Variants in TAF4B observed in about 807,000 individuals in gnomAD.
TAF4B encodes transcription initiation factor TFIID subunit 4B.
Under a neutral mutation model 86.4 loss-of-function variants are expected in TAF4B, and 38 were observed. That is an observed-to-expected ratio of 0.44 (90% CI 0.34 to 0.58). The LOEUF (loss-of-function observed/expected upper bound fraction) is 0.58, where lower values mean the gene tolerates loss of function less well. Ranked by LOEUF, TAF4B falls within the 20% of genes least tolerant of loss-of-function variation. The probability of loss-of-function intolerance (pLI) is 0.02; values close to 1 mark genes in which losing one functional copy is unlikely to be tolerated. For missense variants in TAF4B, 988 were observed against 1,027.6 expected (o/e 0.96, Z 0.53); for synonymous variants, 388 against 391.2 (o/e 0.99, Z 0.10).
chr18:26,358,449 G>C (rs1050195711), intron 14 of TAF4B, among the ~76,000 whole-genome samples: 2 of 152,134 alleles, frequency 1.3e-5, no homozygotes, highest in African/African-American at 4.8e-5. Flanking sequence ...GGTGGCTCAC[G>C]CCTGTAATCC....
chr18:26,305,445 T>C (rs1039406312), intron 9 of TAF4B, among the ~76,000 whole-genome samples: 1 of 152,272 alleles, frequency 6.6e-6, no homozygotes, highest in African/African-American at 2.4e-5. Context: ...TTTCACTCTG[T>C]TGCCCAGGCT....
At chr18:26,337,408 TTTTCTTTC>T (rs887164492) in intron 13 of TAF4B, among the ~76,000 whole-genome samples, 1 of 148,900 alleles carries the variant, frequency 6.7e-6, no homozygotes, top group African/African-American at 2.4e-5. Flanking sequence ...ATCTTTTTTC[TTTTCTTTC>T]TTTCTTTCTT....
rs2057296335 is a variant in TAF4B, at chr18:26,357,444, C to CCTTTCTT, written c.2317-241_2317-235dup. On this transcript the variant is annotated intron_variant, in intron 13 of 14. Transcript: ENST00000269142. Reference sequence around the variant, plus strand: ...ACTGGGAGAAATTAAGCTTTAGATGCCTTTCTTCTTTTCTGTACTTCTCCT... The same window carrying CCTTTCTT: ...ACTGGGAGAAATTAAGCTTTAGATGCCTTTCTTCTTTCTTCTTTTCTGTACTTCTCCT... Among the ~76,000 whole-genome samples the CCTTTCTT allele has an allele frequency of 5.9e-5, 9 of 152,264 alleles. No homozygotes were observed. The South Asian group carries it at 1.7e-3, about 28-fold the overall frequency.
At chr18:26,371,658 T>C (rs556970839) in intron 14 of TAF4B, among the ~76,000 whole-genome samples, 1 of 152,152 alleles carries the variant, frequency 6.6e-6, no homozygotes, top group Non-Finnish European at 1.5e-5. Flanking sequence ...AGAACGGAAA[T>C]AGATGGGCAA....
chr18:26,334,940 G>A lies in TAF4B; in HGVS notation c.2260-235G>A, dbSNP rs140798565. Among the ~76,000 whole-genome samples, 454 of 152,076 alleles carry A rather than the reference G, an allele frequency of 3.0e-3. 1 individual carries two copies. Among genetic ancestry groups the A allele is most frequent in the African/African-American group, 0.01 (429 of 41,484 alleles). Reference sequence around the variant, plus strand: ...GCCTCAACTGGACCTGACTGACATCGTTAGCATCATTTTCAGTATAAGCTT... The same window carrying A: ...GCCTCAACTGGACCTGACTGACATCATTAGCATCATTTTCAGTATAAGCTT... On this transcript the variant is annotated intron_variant, in intron 12 of 14. Transcript: ENST00000269142.
chr18:26,228,312 C>G (rs1206647536), intron 1 of TAF4B, among the ~76,000 whole-genome samples: 1 of 152,128 alleles, frequency 6.6e-6, no homozygotes, highest in Non-Finnish European at 1.5e-5. Context: ...GATTCTATAT[C>G]CCCTAATAAA....
At chr18:26,281,384 A>G (rs1243669506) in intron 5 of TAF4B, among the ~76,000 whole-genome samples, 2 of 152,234 alleles carry the variant, frequency 1.3e-5, no homozygotes, top group Admixed American at 1.3e-4. Context: ...TTTATTAAGT[A>G]TATAATATGT....
At chr18:26,244,523 C>T (rs1055143919) in intron 1 of TAF4B, among the ~76,000 whole-genome samples, 2 of 152,180 alleles carry the variant, frequency 1.3e-5, no homozygotes, top group Non-Finnish European at 2.9e-5. Flanking sequence ...CCTTGTGCTT[C>T]CTGGGTGAGG....
chr18:26,255,989 C>T, intron 1 of TAF4B: 3 of 1,315,416 alleles, frequency 2.3e-6, no homozygotes, highest in Non-Finnish European at 3.3e-6. Context: ...GGAGGTGGTA[C>T]TGTGAGCATC....
intron 9 of TAF4B, among the ~76,000 whole-genome samples, chr18:26,295,751 A>G (rs933544066): frequency 1.3e-5 from 2 of 152,048 alleles, no homozygotes; most frequent in Non-Finnish European, 2.9e-5. Flanking sequence ...CACTTTTTGT[A>G]TTACCTTTTT....
chr18:26,280,829 A>G (rs1371581577), intron 5 of TAF4B, among the ~76,000 whole-genome samples: 1 of 152,206 alleles, frequency 6.6e-6, no homozygotes. Flanking sequence ...AAATCATTCT[A>G]TAAAAAAGAC....
intron 14 of TAF4B, among the ~76,000 whole-genome samples, chr18:26,382,332 T>G (rs1240254831): frequency 6.6e-6 from 1 of 152,174 alleles, no homozygotes; most frequent in Non-Finnish European, 1.5e-5. Flanking sequence ...TGACATGAGG[T>G]TGTCAGCTTG....
Position 26,391,555 on chromosome 18 carries a change from G to T in TAF4B, c.*1543G>T, listed in dbSNP as rs571383571. On this transcript the variant is annotated 3_prime_UTR_variant, in exon 15 of 15. Transcript: ENST00000269142. ...TAAGAAGAGATCTTTATCCAAAGTT[G>T]TTTTTGTATATTTAAATGCTTACCT... 6.6e-6 allele frequency: 1 copy of T among 152,134 alleles called. No individual in the cohort carries two copies. Among genetic ancestry groups the T allele is most frequent in the Admixed American group, 6.5e-5 (1 of 15,294 alleles). 9.4% of individuals were successfully genotyped at this position (152,134 alleles called of 1,614,324 possible). A position where few individuals can be genotyped will look rare whatever the true frequency, so the allele number is the denominator to read the frequency against.
intron 7 of TAF4B, 102 bp from the exon 8 acceptor site, chr18:26,292,144 A>G: frequency 7.4e-7 from 1 of 1,350,396 alleles, no homozygotes; most frequent in Non-Finnish European, 9.9e-7. Context: ...ATAAAGGTAT[A>G]TTTATGGCTG....
intron 14 of TAF4B, among the ~76,000 whole-genome samples, chr18:26,380,619 T>C (rs2057471643): frequency 6.6e-6 from 1 of 152,170 alleles, no homozygotes; most frequent in Non-Finnish European, 1.5e-5. Flanking sequence ...TGTCTTGAAG[T>C]CTGCTTTGTT....
intron 1 of TAF4B, among the ~76,000 whole-genome samples, chr18:26,257,809 T>C (rs1341904098): frequency 6.6e-6 from 1 of 151,584 alleles, no homozygotes; most frequent in East Asian, 1.9e-4. Flanking sequence ...GCCCTTTCTT[T>C]CATATAGTTC....
chr18:26,327,742 TTTG>T (rs1376020677), intron 12 of TAF4B, among the ~76,000 whole-genome samples: 2 of 152,044 alleles, frequency 1.3e-5, no homozygotes, highest in African/African-American at 2.4e-5. Context: ...GCTAATTTTT[TTTG>T]TTGTTGTTGG....
chr18:26,335,535 A>G (rs2057083884), intron 13 of TAF4B, among the ~76,000 whole-genome samples: 1 of 152,220 alleles, frequency 6.6e-6, no homozygotes, highest in African/African-American at 2.4e-5. Flanking sequence ...GAGATTTAGC[A>G]TCTGGGACTG....
intron 13 of TAF4B, among the ~76,000 whole-genome samples, chr18:26,339,644 A>G (rs2057121186): frequency 6.6e-6 from 1 of 152,212 alleles, no homozygotes; most frequent in Admixed American, 6.5e-5. Context: ...TTTTTAATAA[A>G]TAGGTTACTA....
Sources: gnomAD v4.1 joint callset for allele counts (sites outside exome capture counted in the v4.1 genomes callset) on GRCh38, gnomAD v4.1.1 for gene constraint, MANE v1.5 for transcripts, NCBI Gene and HGNC (gene_info 2026-07-23, HGNC 2026-07-21) for gene names.